Variants in DCD observed in about 807,000 individuals in gnomAD.
DCD encodes dermcidin.
In DCD, 17 loss-of-function variants were observed where a neutral mutation model predicts 14.5. The observed-to-expected ratio is 1.18, with a 90% CI of 0.81 to 1.76. The LOEUF (loss-of-function observed/expected upper bound fraction) is 1.76. Ranked by LOEUF, DCD falls within the 40% of genes most tolerant of loss-of-function variation. The probability of loss-of-function intolerance (pLI) is 0.00; values close to 1 mark genes in which losing one functional copy is unlikely to be tolerated. For synonymous variants in DCD, 64 were observed against 54.0 expected, an observed-to-expected ratio of 1.19 and a Z score of -0.82; for missense variants, 139 against 133.4, an observed-to-expected ratio of 1.04 and a Z score of -0.21.
chr12:54,645,675 T>A lies in DCD; in HGVS notation c.130A>T (p.Asn44Tyr). 1 of 1,614,158 alleles carries A rather than the reference T, an allele frequency of 6.2e-7. No homozygotes were observed. Among genetic ancestry groups the A allele is most frequent in the Non-Finnish European group, 8.5e-7 (1 of 1,179,994 alleles). ...GCTAACCCTGGGTCTTCACCTGCAT[T>A]TTCCTTTTGAGCTGCTGATGCTTCA... The part of the protein sequence containing the change: ...CHEASAAQKE[N>Y]AGEDPGLARQ... Residue 44 changes from asparagine (N) to tyrosine (Y), a missense_variant, in exon 3 of 5, where the codon AAT (asparagine) becomes TAT (tyrosine). Physicochemically the swap from Asn to Tyr is moderately radical, Grantham distance 143. Transcript: ENST00000293371.
In DCD at chr12:54,646,748, G is replaced by A. The variant is rs138979012; in HGVS notation, c.97+373C>T. On this transcript the variant is annotated intron_variant, in intron 2 of 4. Coordinates refer to ENST00000293371, the MANE Select transcript of DCD (RefSeq NM_053283.4). ...CTGAATGTCAGGCTAGGAGGTGAGAGTTTCGTGATGAGAAATGGGAAACCA... is the reference window on the plus strand; with the variant it reads ...CTGAATGTCAGGCTAGGAGGTGAGAATTTCGTGATGAGAAATGGGAAACCA... 7.2e-5 allele frequency among the ~76,000 whole-genome samples: 11 copies of A among 152,212 alleles called. No homozygotes were observed. In the East Asian group the frequency reaches 2.1e-3, roughly 29 times the overall value.
Position 54,645,652 on chromosome 12 carries a change from T to G in DCD, c.153A>C (p.Leu51Phe). Residue 51 changes from leucine to phenylalanine, a missense_variant, in exon 3 of 5, where the codon TTA becomes TTC. Leu to Phe is a conservative substitution (Grantham distance 22, BLOSUM62 0). Transcript: ENST00000293371. Reference sequence around the variant, plus strand: ...TCCTTGGCTTTGGTGCCTGTCTGGCTAACCCTGGGTCTTCACCTGCATTTT... The same window carrying G: ...TCCTTGGCTTTGGTGCCTGTCTGGCGAACCCTGGGTCTTCACCTGCATTTT... Reference protein sequence around the residue: ...QKENAGEDPGLARQAPKPRKQ... With the variant: ...QKENAGEDPGFARQAPKPRKQ... 6.2e-7 allele frequency: 1 copy of G among 1,614,198 alleles called. No homozygotes were observed. Among genetic ancestry groups the G allele is most frequent in the Non-Finnish European group, 8.5e-7 (1 of 1,180,006 alleles).
chr12:54,646,068 T>C, intron 2 of DCD: 1 of 459,394 alleles, frequency 2.2e-6, no homozygotes, highest in Non-Finnish European at 4.4e-6. Flanking sequence ...GCTTCTCTCT[T>C]CTAGGCAGGT....
At chr12:54,646,897 A>C (rs547368018) in intron 2 of DCD, among the ~76,000 whole-genome samples, 2 of 152,036 alleles carry the variant, frequency 1.3e-5, no homozygotes, top group Admixed American at 1.3e-4. Context: ...CATTTTTCTT[A>C]CTCCACTTCT....
Position 54,644,624 on chromosome 12 carries a change from A to ATTTTTTTTTTTTTTTTTTTTT in DCD, c.*68_*88dup, listed in dbSNP as rs11338265. The ATTTTTTTTTTTTTTTTTTTTT allele has an allele frequency of 1.6e-6, 1 of 607,442 alleles. No homozygotes were observed. The highest frequency in any genetic ancestry group is 2.7e-6 in the Non-Finnish European group (1 of 368,292). 37.6% of individuals were successfully genotyped at this position (607,442 alleles called of 1,614,324 possible). On this transcript the variant is annotated 3_prime_UTR_variant, in exon 5 of 5. Transcript: ENST00000293371. ...GCTTTCAGTTTAATAGCTGTTTTAA[A>ATTTTTTTTTTTTTTTTTTTTT]TTTTTTTTTTTTTTTTTTTTTTTAG... is the stretch of plus-strand genomic sequence containing the variant.
chr12:54,645,195 T>G lies in DCD; in HGVS notation c.267A>C (p.Glu89Asp). 1 of 1,614,128 alleles carries G rather than the reference T, an allele frequency of 6.2e-7. No homozygotes were observed. Among genetic ancestry groups the G allele is most frequent in the South Asian group, 1.1e-5 (1 of 91,066 alleles). The change falls in exon 4 of 5, where the codon GAA (glutamate) becomes GAC (aspartate). Residue 89 changes from glutamate to aspartate, a missense_variant. By Grantham distance (45) the Glu-to-Asp change is conservative. Coordinates refer to ENST00000293371, the MANE Select transcript of DCD (RefSeq NM_053283.4). ...GLGKLGKDAVEDLESVGKGAV... is the reference protein window; with the variant it reads ...GLGKLGKDAVDDLESVGKGAV... ...CACCTTTACCCACGCTTTCTAGATC[T>G]TCGACTGCATCTTTTCCTAGTTTTC...
chr12:54,644,598 T>C lies in DCD; in HGVS notation c.*115A>G, dbSNP rs56013373. The C allele has an allele frequency of 4.0e-3, 3,166 of 794,784 alleles. 70 individuals carry two copies. The African/African-American group carries it at 0.048, about 12-fold the overall frequency. 49.2% of individuals were successfully genotyped at this position (794,784 alleles called of 1,614,324 possible). A position where few individuals can be genotyped will look rare whatever the true frequency, so the allele number is the denominator to read the frequency against. ...ACACACATACTCCAAGTATTACAGA[T>C]GCTTTCAGTTTAATAGCTGTTTTAA... is the stretch of plus-strand genomic sequence containing the variant. On this transcript the variant is annotated 3_prime_UTR_variant, in exon 5 of 5. Transcript: ENST00000293371.
intron 3 of DCD, 140 bp downstream of exon 3, chr12:54,645,466 G>A (rs1352089546): frequency 1.3e-5 from 11 of 855,098 alleles, no homozygotes; most frequent in South Asian, 1.2e-4. Context: ...TGTAGAAGCA[G>A]GTGTGCACCC....
At chr12:54,647,914 G>A (rs1406327454) in intron 1 of DCD, among the ~76,000 whole-genome samples, 1 of 152,154 alleles carries the variant, frequency 6.6e-6, no homozygotes, top group African/African-American at 2.4e-5. Context: ...TGAAATAATG[G>A]GCAGGGGAAA....
rs1958279101 is a variant in DCD, at chr12:54,648,363, G to A, written c.-60C>T. The A allele has an allele frequency of 9.9e-6, 16 of 1,608,768 alleles. 1 individual carries two copies. In the South Asian group the frequency reaches 1.8e-4, roughly 18 times the overall value. ...CCTTGGAGATCTTGGGATCTAGGGT[G>A]TCAAGACTGCCTCTCTGGGCCTTTT... On this transcript the variant is annotated 5_prime_UTR_variant, in exon 1 of 5. Coordinates refer to ENST00000293371, the MANE Select transcript of DCD (RefSeq NM_053283.4).
At chr12:54,647,716 T>G (rs980952542) in intron 1 of DCD, among the ~76,000 whole-genome samples, 1 of 152,150 alleles carries the variant, frequency 6.6e-6, no homozygotes, top group Non-Finnish European at 1.5e-5. Flanking sequence ...CATAATTACA[T>G]AAACAATTAT....
At chr12:54,645,765 G>T in intron 2 of DCD, 58 bp from the exon 3 acceptor site, 1 of 1,476,246 alleles carries the variant, frequency 6.8e-7, no homozygotes, top group Non-Finnish European at 9.4e-7. Context: ...CACCCTGGTC[G>T]GGGAGCAGGT....
chr12:54,647,106 A>G lies in DCD; in HGVS notation c.97+15T>C, dbSNP rs1377159950. ...CCCACCCAGGACTGGGGCAGGAGGAAGAGAAAGGACTCACGGTTCCCCGAT... is the reference window on the plus strand; with the variant it reads ...CCCACCCAGGACTGGGGCAGGAGGAGGAGAAAGGACTCACGGTTCCCCGAT... On this transcript the variant is annotated intron_variant, in intron 2 of 4. Transcript: ENST00000293371. 1 of 1,555,412 alleles carries G rather than the reference A, an allele frequency of 6.4e-7. No homozygotes were observed. The highest frequency in any genetic ancestry group is 1.9e-5 in the Admixed American group (1 of 51,570).
At chr12:54,644,786 A>G in intron 4 of DCD, 30 bp from the exon 5 acceptor site, 1 of 1,591,368 alleles carries the variant, frequency 6.3e-7, no homozygotes. Flanking sequence ...AAATGGGGTA[A>G]AGGGGTAGGA....
chr12:54,644,771 G>T lies in DCD; in HGVS notation c.290-15C>A. On this transcript the variant is annotated splice_polypyrimidine_tract_variant and intron_variant, in intron 4 of 4. Transcript: ENST00000293371. ...ATGGACGGCTCCTAGGACAGCCACA[G>T]AAAAAAATGGGGTAAAGGGGTAGGA... 6.2e-7 allele frequency: 1 copy of T among 1,600,362 alleles called. No individual in the cohort carries two copies. Among genetic ancestry groups the T allele is most frequent in the South Asian group, 1.1e-5 (1 of 89,628 alleles).
At position 54,646,145 on chromosome 12, in the gene DCD, G is replaced by T. The variant is rs1390747967; in HGVS notation, c.98-438C>A. The stretch of plus-strand genomic sequence containing the variant: ...TTCTGTAGCTGTAAACAATCCATTT[G>T]TTTATCTGGAAAATCAAAACTTCTG... On this transcript the variant is annotated intron_variant, in intron 2 of 4. Coordinates refer to ENST00000293371, the MANE Select transcript of DCD (RefSeq NM_053283.4). 1.8e-5 allele frequency: 8 copies of T among 456,246 alleles called. No individual in the cohort carries two copies. The Admixed American group carries it at 1.9e-4, about 11-fold the overall frequency. 28.3% of individuals were successfully genotyped at this position (456,246 alleles called of 1,614,324 possible).
chr12:54,646,308 G>A (rs1466608049), intron 2 of DCD, among the ~76,000 whole-genome samples: 1 of 152,100 alleles, frequency 6.6e-6, no homozygotes, highest in African/African-American at 2.4e-5. Context: ...CAGTGAAGAT[G>A]TGCAGAAATA....
At position 54,644,624 on chromosome 12, in the gene DCD, A is replaced by ATTTTTTTTTTTTTTTTTTTT. The variant is rs11338265; in HGVS notation, c.*69_*88dup. ...GCTTTCAGTTTAATAGCTGTTTTAA[A>ATTTTTTTTTTTTTTTTTTTT]TTTTTTTTTTTTTTTTTTTTTTTAG... On this transcript the variant is annotated 3_prime_UTR_variant, in exon 5 of 5. Coordinates refer to ENST00000293371, the MANE Select transcript of DCD (RefSeq NM_053283.4). The ATTTTTTTTTTTTTTTTTTTT allele has an allele frequency of 3.1e-6, 2 of 651,674 alleles. No homozygotes were observed. Among genetic ancestry groups the ATTTTTTTTTTTTTTTTTTTT allele is most frequent in the African/African-American group, 2.1e-5 (1 of 46,532 alleles). 40.4% of individuals were successfully genotyped at this position (651,674 alleles called of 1,614,324 possible). A position where few individuals can be genotyped will look rare whatever the true frequency, so the allele number is the denominator to read the frequency against.
At chr12:54,645,839 C>T in intron 2 of DCD, 132 bp from the exon 3 acceptor site, 1 of 696,976 alleles carries the variant, frequency 1.4e-6, no homozygotes, top group Middle Eastern at 2.8e-4. Flanking sequence ...TCCTCTAGAG[C>T]TTGACTTTCA....
Sources: gnomAD v4.1 joint callset for allele counts (sites outside exome capture counted in the v4.1 genomes callset) on GRCh38, gnomAD v4.1.1 for gene constraint, MANE v1.5 for transcripts, NCBI Gene and HGNC (gene_info 2026-07-23, HGNC 2026-07-21) for gene names.